The following GRID1 variants were observed in gnomAD, a reference collection of about 807,000 sequenced individuals.
GRID1 encodes glutamate ionotropic receptor delta type subunit 1, also known as glutamate receptor ionotropic, delta-1.
Under a neutral mutation model 98.0 loss-of-function variants are expected in GRID1, and 28 were observed. The ratio of observed to expected loss-of-function variants is 0.29; its 90% CI spans 0.21 to 0.39. The LOEUF is 0.39. Ranked by LOEUF, GRID1 falls within the 10% of genes least tolerant of loss-of-function variation. The pLI, the probability that GRID1 is intolerant of heterozygous loss-of-function variation, is 1.00. For synonymous variants in GRID1, 553 were observed against 538.5 expected, an observed-to-expected ratio of 1.03 and a Z score of -0.37; for missense variants, 1,111 against 1,340.5, an observed-to-expected ratio of 0.83 and a Z score of 2.67.
At chr10:85,630,104 A>G (rs1842958993) in intron 13 of GRID1, among the ~76,000 whole-genome samples, 2 of 152,244 alleles carry the variant, frequency 1.3e-5, no homozygotes, top group Admixed American at 1.3e-4. Flanking sequence ...CAACAACAGC[A>G]ACAATAGCAG....
At chr10:86,082,790 G>A (rs1474500494) in intron 4 of GRID1, among the ~76,000 whole-genome samples, 2 of 152,142 alleles carry the variant, frequency 1.3e-5, no homozygotes, top group Non-Finnish European at 2.9e-5. Context: ...CTGCACCTGT[G>A]TACAGATTGT....
intron 2 of GRID1, among the ~76,000 whole-genome samples, chr10:86,327,704 A>G (rs1005572129): frequency 7.2e-5 from 11 of 152,228 alleles, no homozygotes; most frequent in African/African-American, 1.2e-4. Flanking sequence ...GAAATGGAAA[A>G]GAAAATAACA....
At chr10:85,725,168 C>T (rs1841748655) in intron 10 of GRID1, among the ~76,000 whole-genome samples, 2 of 152,158 alleles carry the variant, frequency 1.3e-5, no homozygotes, top group Non-Finnish European at 2.9e-5. Flanking sequence ...TTCTAAAACA[C>T]TTCAGAAGTT....
intron 4 of GRID1, among the ~76,000 whole-genome samples, chr10:85,950,032 T>C (rs1302339031): frequency 6.6e-6 from 1 of 151,858 alleles, no homozygotes; most frequent in African/African-American, 2.4e-5. Context: ...GATAAATAGA[T>C]AGATAACAGA....
chr10:86,086,702 G>A (rs1374166110), intron 4 of GRID1, among the ~76,000 whole-genome samples: 2 of 152,208 alleles, frequency 1.3e-5, no homozygotes, highest in African/African-American at 4.8e-5. Flanking sequence ...GCATGTGCAG[G>A]TGTGTACTTG....
At chr10:85,746,451 C>T (rs920982267) in intron 8 of GRID1, among the ~76,000 whole-genome samples, 27 of 152,250 alleles carry the variant, frequency 1.8e-4, no homozygotes, top group Non-Finnish European at 2.1e-4. Flanking sequence ...CTAACCTCAC[C>T]CCTCTCCCTT....
intron 4 of GRID1, among the ~76,000 whole-genome samples, chr10:85,969,136 G>A (rs534353245): frequency 6.6e-6 from 1 of 152,216 alleles, no homozygotes; most frequent in South Asian, 2.1e-4. Flanking sequence ...CTATTAGGAA[G>A]GTATGTTTTA....
At chr10:86,266,673 A>G (rs988571754) in intron 2 of GRID1, among the ~76,000 whole-genome samples, 1 of 152,228 alleles carries the variant, frequency 6.6e-6, no homozygotes. Context: ...GAGAGATAAG[A>G]AAAGGCCCAC....
At chr10:85,729,420 C>G in intron 9 of GRID1, 93 bp downstream of exon 9, 1 of 697,122 alleles carries the variant, frequency 1.4e-6, no homozygotes, top group East Asian at 2.6e-5. Context: ...TCAAGATTCT[C>G]TTCTCCCCAA....
chr10:86,167,784 A>C (rs1037896380), intron 3 of GRID1, among the ~76,000 whole-genome samples: 5 of 152,180 alleles, frequency 3.3e-5, no homozygotes, highest in Non-Finnish European at 2.9e-5. Flanking sequence ...TTTCTCACAG[A>C]AGCACCAGAC....
At chr10:86,297,725 T>C (rs977277636) in intron 2 of GRID1, among the ~76,000 whole-genome samples, 1 of 152,190 alleles carries the variant, frequency 6.6e-6, no homozygotes, top group African/African-American at 2.4e-5. Context: ...ATAACTATAA[T>C]ATAAGGAGTT....
chr10:85,907,373 A>G (rs1454841077), intron 5 of GRID1, among the ~76,000 whole-genome samples: 2 of 152,192 alleles, frequency 1.3e-5, no homozygotes, highest in Admixed American at 1.3e-4. Flanking sequence ...CGGCCTCCCA[A>G]AGTGCTGGGA....
chr10:86,271,140 A>G (rs141277766), intron 2 of GRID1, among the ~76,000 whole-genome samples: 35 of 152,356 alleles, frequency 2.3e-4, no homozygotes, highest in African/African-American at 7.5e-4. Context: ...AGAATCATCC[A>G]AAAGATTTGA....
chr10:86,097,580 C>T (rs1292016413), intron 4 of GRID1, among the ~76,000 whole-genome samples: 5 of 151,828 alleles, frequency 3.3e-5, no homozygotes, highest in Non-Finnish European at 7.4e-5. Flanking sequence ...TATCTGTATC[C>T]TATTGGTTCT....
At chr10:86,301,507 A>G (rs1847687341) in intron 2 of GRID1, among the ~76,000 whole-genome samples, 1 of 152,232 alleles carries the variant, frequency 6.6e-6, no homozygotes. Context: ...AAGGGGGAGC[A>G]GACACACATC....
intron 4 of GRID1, among the ~76,000 whole-genome samples, chr10:86,112,807 T>C (rs765261632): frequency 2.6e-5 from 4 of 152,178 alleles, no homozygotes; most frequent in African/African-American, 7.2e-5. Context: ...GCTGATGAGA[T>C]GGTGTCATGC....
At chr10:86,040,899 T>G (rs1047388024) in intron 4 of GRID1, among the ~76,000 whole-genome samples, 12 of 152,020 alleles carry the variant, frequency 7.9e-5, no homozygotes, top group Admixed American at 5.2e-4. Flanking sequence ...TTTTTTAAAG[T>G]TGGTCTCTGG....
At chr10:85,609,997 A>G (rs1842715702) in intron 15 of GRID1, among the ~76,000 whole-genome samples, 1 of 152,226 alleles carries the variant, frequency 6.6e-6, no homozygotes, top group Admixed American at 6.5e-5. Context: ...TTGAAAGCAC[A>G]TTACTACTCT....
At chr10:85,716,580 A>C (rs1307735905) in intron 12 of GRID1, among the ~76,000 whole-genome samples, 1 of 150,142 alleles carries the variant, frequency 6.7e-6, no homozygotes, top group African/African-American at 2.4e-5. Context: ...AATAAAATAA[A>C]AAAGAAAATG....
Sources: allele counts gnomAD v4.1 joint callset (sites outside exome capture counted in the v4.1 genomes callset), GRCh38; gene constraint gnomAD v4.1.1; transcripts MANE v1.5; gene names NCBI Gene and HGNC (gene_info 2026-07-23, HGNC 2026-07-21).